PCDH15: variants seen among roughly 807,000 people sequenced by gnomAD.
PCDH15 encodes the protein protocadherin related 15, also known as protocadherin-15.
A neutral mutation model predicts 178.5 loss-of-function variants in PCDH15; 129 were observed. The ratio of observed to expected loss-of-function variants is 0.72; its 90% CI spans 0.63 to 0.84. The LOEUF (loss-of-function observed/expected upper bound fraction) is 0.84, where lower values mean the gene tolerates loss of function less well. PCDH15 is among the 40% of genes least tolerant of loss of function. PCDH15 has a pLI of 0.00. For missense variants in PCDH15, 2,230 were observed against 2,099.9 expected (o/e 1.06, Z -1.21); for synonymous variants, 800 against 732.0 (o/e 1.09, Z -1.50).
At chr10:54,642,741 T>C (rs373899205) in intron 2 of PCDH15, among the ~76,000 whole-genome samples, 30 of 152,156 alleles carry the variant, frequency 2.0e-4, no homozygotes, top group African/African-American at 5.3e-4. Flanking sequence ...CCTTATATAG[T>C]TATTGAAAAT....
At chr10:54,287,036 A>G (rs1328833394) in intron 8 of PCDH15, among the ~76,000 whole-genome samples, 1 of 152,228 alleles carries the variant, frequency 6.6e-6, no homozygotes, top group East Asian at 1.9e-4. Flanking sequence ...AACCAGTAGC[A>G]TAAGATCTGA....
At chr10:55,268,887 G>C (rs1030857227) in intron 1 of PCDH15, among the ~76,000 whole-genome samples, 1 of 151,974 alleles carries the variant, frequency 6.6e-6, no homozygotes, top group Non-Finnish European at 1.5e-5. Flanking sequence ...GATTAGATGG[G>C]AGACAAAATC....
intron 18 of PCDH15, among the ~76,000 whole-genome samples, chr10:54,060,424 T>C (rs1389119492): frequency 2.6e-5 from 4 of 152,178 alleles, no homozygotes; most frequent in Admixed American, 2.6e-4. Flanking sequence ...TAAAAAATAT[T>C]ACTTTCTATA....
At chr10:54,906,199 C>T (rs1296595983) in intron 2 of PCDH15, among the ~76,000 whole-genome samples, 1 of 152,064 alleles carries the variant, frequency 6.6e-6, no homozygotes, top group African/African-American at 2.4e-5. Context: ...TAAATTGATA[C>T]TTCCAGAATA....
intron 1 of PCDH15, among the ~76,000 whole-genome samples, chr10:55,244,252 G>T (rs993095828): frequency 6.6e-6 from 1 of 151,668 alleles, no homozygotes; most frequent in Non-Finnish European, 1.5e-5. Context: ...TGTCATTTCT[G>T]CTTGTCTTTT....
At chr10:54,171,645 C>T (rs1356815507) in intron 13 of PCDH15, among the ~76,000 whole-genome samples, 1 of 152,036 alleles carries the variant, frequency 6.6e-6, no homozygotes, top group Non-Finnish European at 1.5e-5. Context: ...ACTCTTAACT[C>T]TTGAAGTAAA....
At chr10:55,602,454 G>C (rs1450407769) in intron 2 of PCDH15, among the ~76,000 whole-genome samples, 75 of 147,860 alleles carry the variant, frequency 5.1e-4, no homozygotes, top group African/African-American at 9.7e-4. Flanking sequence ...CAAACAAAAA[G>C]ACAGCAGTAA....
intron 14 of PCDH15, among the ~76,000 whole-genome samples, chr10:54,144,004 G>T (rs1326137268): frequency 6.6e-6 from 1 of 152,090 alleles, no homozygotes; most frequent in African/African-American, 2.4e-5. Flanking sequence ...ACTTTGGGTG[G>T]TTAATCAGGC....
intron 2 of PCDH15, among the ~76,000 whole-genome samples, chr10:55,545,491 GTT>G (rs1841860123): frequency 6.6e-6 from 1 of 150,978 alleles, no homozygotes; most frequent in African/African-American, 2.4e-5. Flanking sequence ...GGCCAGACTG[GTT>G]TCAAACTCCT....
At chr10:54,819,684 C>T in intron 3 of PCDH15, among the ~76,000 whole-genome samples, 1 of 151,942 alleles carries the variant, frequency 6.6e-6, no homozygotes, top group East Asian at 1.9e-4. Context: ...GAGACTATCT[C>T]AGCCTATACA....
chr10:54,806,485 A>AT (rs60187846), intron 3 of PCDH15, among the ~76,000 whole-genome samples: 2,802 of 141,148 alleles, frequency 0.02, 46 homozygotes, highest in African/African-American at 0.044. Context: ...TTCTGGCTTG[A>AT]TTTTTTTTTT....
chr10:54,020,010 C>A (rs1014276305), intron 20 of PCDH15, among the ~76,000 whole-genome samples, 182 bp downstream of exon 20: 5 of 151,892 alleles, frequency 3.3e-5, no homozygotes, highest in South Asian at 2.1e-4. Context: ...CTTTTATAGT[C>A]AAAAATATAG....
chr10:54,796,453 T>TC (rs1054035917), intron 1 of PCDH15, among the ~76,000 whole-genome samples: 4 of 117,348 alleles, frequency 3.4e-5, no homozygotes, highest in Non-Finnish European at 6.9e-5. Context: ...TCTCTTTACA[T>TC]TTTTTTGTTT....
intron 7 of PCDH15, among the ~76,000 whole-genome samples, chr10:54,324,831 T>G (rs2061837455): frequency 6.6e-6 from 1 of 152,072 alleles, no homozygotes; most frequent in Non-Finnish European, 1.5e-5. Context: ...TTAAGAAATC[T>G]TGATTACAAA....
At chr10:55,300,821 C>T (rs2132277709) in intron 1 of PCDH15, among the ~76,000 whole-genome samples, 1 of 152,256 alleles carries the variant, frequency 6.6e-6, no homozygotes, top group East Asian at 1.9e-4. Context: ...CAGATCTTAT[C>T]TGCCCTTTAC....
At chr10:53,993,062 C>T (rs953104691) in intron 21 of PCDH15, among the ~76,000 whole-genome samples, 1 of 152,196 alleles carries the variant, frequency 6.6e-6, no homozygotes, top group South Asian at 2.1e-4. Context: ...ACCTTGAAAA[C>T]GATGTGGCCA....
intron 1 of PCDH15, among the ~76,000 whole-genome samples, chr10:55,194,485 C>A (rs554186946): frequency 1.4e-4 from 21 of 152,128 alleles, no homozygotes; most frequent in African/African-American, 5.1e-4. Flanking sequence ...CCTTAAATTG[C>A]AAAGCCCAAT....
chr10:54,537,837 T>C (rs1427019007), intron 2 of PCDH15, among the ~76,000 whole-genome samples: 1 of 152,146 alleles, frequency 6.6e-6, no homozygotes, highest in Non-Finnish European at 1.5e-5. Flanking sequence ...TATCTCATTG[T>C]GGTTTTGATT....
At position 55,099,608 on chromosome 10, in the gene PCDH15, C is replaced by T. The variant is rs145328538; in HGVS notation, c.-80+66968G>A. On this transcript the variant is annotated intron_variant, in intron 2 of 5. Coordinates refer to the PCDH15 transcript ENST00000458638. ...ACATTACAGCAGGTAAAAATTAGAA[C>T]ATTTTCTATTCATATTCCTTGGTAA... is the stretch of plus-strand genomic sequence containing the variant. 6.4e-3 allele frequency among the ~76,000 whole-genome samples: 974 copies of T among 152,068 alleles called. 10 individuals are homozygous for T. Among genetic ancestry groups the T allele is most frequent in the South Asian group, 0.039 (190 of 4,822 alleles).
Sources: gnomAD v4.1 joint callset for allele counts (sites outside exome capture counted in the v4.1 genomes callset) on GRCh38, gnomAD v4.1.1 for gene constraint, MANE v1.5 for transcripts, NCBI Gene and HGNC (gene_info 2026-07-23, HGNC 2026-07-21) for gene names.